The following MGAT4C variants were observed in gnomAD, a reference collection of about 807,000 sequenced individuals.
MGAT4C encodes MGAT4 family member C.
In MGAT4C, 19 loss-of-function variants were observed where a neutral mutation model predicts 40.1. That is an observed-to-expected ratio of 0.47 (90% CI 0.33 to 0.70). MGAT4C has a LOEUF of 0.70. MGAT4C is among the 30% of genes least tolerant of loss of function. MGAT4C has a pLI of 0.02. For synonymous variants in MGAT4C, 181 were observed against 187.1 expected, an observed-to-expected ratio of 0.97 and a Z score of 0.27; for missense variants, 491 against 563.2, an observed-to-expected ratio of 0.87 and a Z score of 1.30.
At chr12:86,496,542 C>G (rs891914793) in intron 2 of MGAT4C, among the ~76,000 whole-genome samples, 1 of 151,876 alleles carries the variant, frequency 6.6e-6, no homozygotes, top group Non-Finnish European at 1.5e-5. Context: ...AATAATGTTT[C>G]AGAAATGCTT....
intron 2 of MGAT4C, among the ~76,000 whole-genome samples, chr12:86,441,498 T>TC (rs1272016951): frequency 1.3e-5 from 1 of 77,734 alleles, no homozygotes; most frequent in African/African-American, 5.1e-5. Flanking sequence ...CCCTCCCCCC[T>TC]CCCCCCACCC....
intron 2 of MGAT4C, among the ~76,000 whole-genome samples, chr12:86,563,352 G>T (rs1042823196): frequency 8.5e-5 from 13 of 152,190 alleles, no homozygotes; most frequent in African/African-American, 2.9e-4. Context: ...AGAATGTAGA[G>T]CTCTGGCATG....
At chr12:86,502,841 CATATATATATATGAGTTCTGCTCATAT>C (rs1565808886) in intron 2 of MGAT4C, among the ~76,000 whole-genome samples, 33 of 85,606 alleles carry the variant, frequency 3.9e-4, no homozygotes, top group Admixed American at 7.9e-4. Flanking sequence ...GAGTTCTGCT[CATATATATATATGAGTTCTGCTCATAT>C]ATATATATAT....
In MGAT4C at chr12:85,976,597, A is replaced by C. The variant is rs1883997728; in HGVS notation, c.*2692T>G. 6.7e-6 allele frequency: 1 copy of C among 148,938 alleles called. No homozygotes were observed. The highest frequency in any genetic ancestry group is 2.4e-5 in the African/African-American group (1 of 40,978). The allele number at this position is 148,938 out of a possible 1,614,324, so 9.2% of individuals were successfully genotyped here. ...TGTATGGCAATTAAATGACTCAGCC[A>C]TTCATGTCTCATGCCAGTCTTTTTC... On this transcript the variant is annotated 3_prime_UTR_variant, in exon 5 of 5. Transcript: ENST00000611864.
intron 1 of MGAT4C, among the ~76,000 whole-genome samples, chr12:86,145,744 G>A (rs1883424039): frequency 1.3e-5 from 2 of 152,050 alleles, no homozygotes; most frequent in South Asian, 2.1e-4. Context: ...TGAAAATACT[G>A]ATGTAAAAAA....
At chr12:86,722,306 G>A (rs532293875) in intron 2 of MGAT4C, among the ~76,000 whole-genome samples, 1 of 152,160 alleles carries the variant, frequency 6.6e-6, no homozygotes, top group East Asian at 1.9e-4. Context: ...AGATCCTAAA[G>A]GACAGAGTAA....
At chr12:86,058,528 T>G (rs1158743070) in intron 1 of MGAT4C, among the ~76,000 whole-genome samples, 1 of 152,176 alleles carries the variant, frequency 6.6e-6, no homozygotes, top group African/African-American at 2.4e-5. Flanking sequence ...AGCATATTAT[T>G]GTCATCGACT....
intron 3 of MGAT4C, among the ~76,000 whole-genome samples, chr12:86,343,352 C>G (rs78556270): frequency 3.9e-4 from 59 of 152,306 alleles, no homozygotes; most frequent in African/African-American, 1.4e-3. Context: ...AAACAATATA[C>G]TGATCTGTTA....
At chr12:86,418,433 T>A (rs1016409107) in intron 3 of MGAT4C, among the ~76,000 whole-genome samples, 1 of 151,882 alleles carries the variant, frequency 6.6e-6, no homozygotes, top group South Asian at 2.1e-4. Context: ...TGAAACTCCA[T>A]CTCTACCAAA....
At chr12:86,764,300 G>A (rs944799165) in intron 1 of MGAT4C, among the ~76,000 whole-genome samples, 10 of 152,052 alleles carry the variant, frequency 6.6e-5, no homozygotes, top group Admixed American at 2.0e-4. Context: ...AGGCGGCAGC[G>A]AGGCTGGGGG....
chr12:86,584,300 T>A (rs1290569321), intron 2 of MGAT4C, among the ~76,000 whole-genome samples: 1 of 150,904 alleles, frequency 6.6e-6, no homozygotes, highest in African/African-American at 2.4e-5. Flanking sequence ...ACAAAATTAA[T>A]TTATAAAATA....
chr12:86,437,530 T>C (rs1343193442), intron 2 of MGAT4C, among the ~76,000 whole-genome samples: 1 of 151,964 alleles, frequency 6.6e-6, no homozygotes, highest in Non-Finnish European at 1.5e-5. Context: ...TTATTTGTTC[T>C]AGTTATTCTC....
chr12:86,699,441 A>G (rs1428529500), intron 2 of MGAT4C, among the ~76,000 whole-genome samples: 4 of 152,166 alleles, frequency 2.6e-5, no homozygotes, highest in Admixed American at 6.6e-5. Context: ...ACTTTTGTCA[A>G]TTTAGGTCAT....
rs115217448 is a variant in MGAT4C at position 86,822,146 on chromosome 12, G to T, written c.-262+16520C>A. ...TAAAATATAATGTTATAACATATGTGATGTAGACCCCAAGGTCACCACACA... is the reference window on the plus strand; with the variant it reads ...TAAAATATAATGTTATAACATATGTTATGTAGACCCCAAGGTCACCACACA... On this transcript the variant is annotated intron_variant, in intron 1 of 7. Transcript: ENST00000548651. Among the ~76,000 whole-genome samples, 591 of 150,908 alleles carry T rather than the reference G, an allele frequency of 3.9e-3. 2 individuals are homozygous for T. The highest frequency in any genetic ancestry group is 0.014 in the African/African-American group (578 of 41,344).
intron 3 of MGAT4C, among the ~76,000 whole-genome samples, chr12:86,408,795 G>A (rs958700497): frequency 3.3e-5 from 5 of 151,840 alleles, no homozygotes; most frequent in African/African-American, 7.3e-5. Context: ...AGGAGAGATA[G>A]AACTTCTGTC....
intron 3 of MGAT4C, among the ~76,000 whole-genome samples, chr12:86,433,596 G>C (rs1957083995): frequency 6.6e-6 from 1 of 151,676 alleles, no homozygotes; most frequent in Non-Finnish European, 1.5e-5. Flanking sequence ...CTTTAAACTA[G>C]AATCTCTTTC....
chr12:86,673,369 T>A (rs1034115305), intron 2 of MGAT4C, among the ~76,000 whole-genome samples: 4 of 152,184 alleles, frequency 2.6e-5, no homozygotes, highest in Non-Finnish European at 5.9e-5. Flanking sequence ...GTTTTGTTTA[T>A]CATTGTGAGA....
chr12:86,672,448 TTGAAG>T (rs1307279875), intron 2 of MGAT4C, among the ~76,000 whole-genome samples: 4 of 151,816 alleles, frequency 2.6e-5, no homozygotes, highest in African/African-American at 7.3e-5. Flanking sequence ...ATAAATGAAA[TTGAAG>T]TGAAGAAAAC....
In MGAT4C at chr12:86,408,473, CTCTCTCTATATA is replaced by C. The variant is rs1377912992; in HGVS notation, c.-120+26672_-120+26683del. Among the ~76,000 whole-genome samples, 64 of 108,134 alleles carry C rather than the reference CTCTCTCTATATA, an allele frequency of 5.9e-4. No individual in the cohort carries two copies. The East Asian group carries it at 0.015, about 25-fold the overall frequency. The allele number at this position is 108,134 out of a possible 152,430, so 70.9% of individuals were successfully genotyped here. ...ACTCTCTCTCTCTCTCTCTCTCTCT[CTCTCTCTATATA>C]TATATATATATATATATATATATAT... is the stretch of plus-strand genomic sequence containing the variant. On this transcript the variant is annotated intron_variant, in intron 3 of 7. Coordinates refer to the MGAT4C transcript ENST00000548651.
Sources: gnomAD v4.1 joint callset for allele counts (sites outside exome capture counted in the v4.1 genomes callset) on GRCh38, gnomAD v4.1.1 for gene constraint, MANE v1.5 for transcripts, NCBI Gene and HGNC (gene_info 2026-07-23, HGNC 2026-07-21) for gene names.